KCNIP4: variants seen among roughly 807,000 people sequenced by gnomAD.
KCNIP4 encodes potassium voltage-gated channel interacting protein 4, also known as Kv channel-interacting protein 4.
In KCNIP4, 12 loss-of-function variants were observed where a neutral mutation model predicts 34.0. The observed-to-expected ratio is 0.35, with a 90% confidence interval of 0.23 to 0.57. The LOEUF is 0.57. Ranked by LOEUF, KCNIP4 falls within the 20% of genes least tolerant of loss-of-function variation. The pLI, the probability that KCNIP4 is intolerant of heterozygous loss-of-function variation, is 0.83. For synonymous variants in KCNIP4, 124 were observed against 102.2 expected, an observed-to-expected ratio of 1.21 and a Z score of -1.29; for missense variants, 238 against 311.7, an observed-to-expected ratio of 0.76 and a Z score of 1.78.
intron 1 of KCNIP4, among the ~76,000 whole-genome samples, chr4:21,414,064 T>TA (rs1231720925): frequency 6.6e-6 from 1 of 152,140 alleles, no homozygotes; most frequent in Admixed American, 6.6e-5. Context: ...ATCTTGGCCT[T>TA]ACATTCTAGC....
chr4:21,295,465 C>T (rs577295508), intron 1 of KCNIP4, among the ~76,000 whole-genome samples: 3 of 152,180 alleles, frequency 2.0e-5, no homozygotes, highest in Admixed American at 6.5e-5. Context: ...TATAATGGCC[C>T]TGTAGGATAT....
rs540628283 is a variant in KCNIP4 at position 21,409,692 on chromosome 4, A to T, written c.62-526983T>A. 5.3e-5 allele frequency among the ~76,000 whole-genome samples: 8 copies of T among 152,360 alleles called. No homozygotes were observed. In the South Asian group the frequency reaches 1.7e-3, roughly 32 times the overall value. On this transcript the variant is annotated intron_variant, in intron 1 of 8. Coordinates refer to ENST00000382152, the MANE Select transcript of KCNIP4 (RefSeq NM_025221.6). ...ATGTTTAATGAGTGCTTGCTATAAAATACATCGTTAGGAAAAAAGGGGTCG... is the reference window on the plus strand; with the variant it reads ...ATGTTTAATGAGTGCTTGCTATAAATTACATCGTTAGGAAAAAAGGGGTCG...
chr4:21,635,196 A>G (rs1035206342), intron 1 of KCNIP4, among the ~76,000 whole-genome samples: 1 of 152,190 alleles, frequency 6.6e-6, no homozygotes, highest in African/African-American at 2.4e-5. Context: ...AACTTACTCA[A>G]ATTACTGCAG....
chr4:21,936,983 T>C (rs2109014993), intron 1 of KCNIP4, among the ~76,000 whole-genome samples: 1 of 152,168 alleles, frequency 6.6e-6, no homozygotes, highest in South Asian at 2.1e-4. Flanking sequence ...CCTTATCCAG[T>C]TCATGACTTC....
intron 1 of KCNIP4, among the ~76,000 whole-genome samples, chr4:20,884,365 A>T (rs73242543): frequency 0.067 from 10,143 of 151,962 alleles, 355 homozygotes; most frequent in Middle Eastern, 0.085. Context: ...GGGTGACAAA[A>T]TGTTATAAAT....
At chr4:21,417,213 A>G (rs1725028899) in intron 1 of KCNIP4, among the ~76,000 whole-genome samples, 1 of 151,942 alleles carries the variant, frequency 6.6e-6, no homozygotes. Context: ...AAGGTCGTGC[A>G]GAGCACAAGA....
At chr4:21,652,103 T>C (rs2108972122) in intron 1 of KCNIP4, among the ~76,000 whole-genome samples, 1 of 152,288 alleles carries the variant, frequency 6.6e-6, no homozygotes, top group African/African-American at 2.4e-5. Flanking sequence ...TGCTCATCCA[T>C]CTAATCTTCT....
intron 1 of KCNIP4, among the ~76,000 whole-genome samples, chr4:21,104,111 G>T (rs1263114529): frequency 6.6e-6 from 1 of 152,000 alleles, no homozygotes; most frequent in African/African-American, 2.4e-5. Context: ...GTAATGGGAT[G>T]GCTGGGTCAA....
intron 1 of KCNIP4, among the ~76,000 whole-genome samples, chr4:21,240,156 T>C (rs926224312): frequency 9.5e-5 from 13 of 137,174 alleles, no homozygotes; most frequent in Admixed American, 9.4e-4. Flanking sequence ...TTCTCACTCA[T>C]AGGTGGGAAC....
At chr4:20,903,492 T>C (rs1727390611) in intron 1 of KCNIP4, among the ~76,000 whole-genome samples, 1 of 152,168 alleles carries the variant, frequency 6.6e-6, no homozygotes, top group Non-Finnish European at 1.5e-5. Context: ...CACAATCTTT[T>C]ATCTGAACCT....
chr4:21,420,523 A>G (rs1278538958), intron 1 of KCNIP4, among the ~76,000 whole-genome samples: 1 of 152,156 alleles, frequency 6.6e-6, no homozygotes, highest in African/African-American at 2.4e-5. Context: ...AAAACCCTCA[A>G]CATTGCATAG....
chr4:21,840,269 C>T (rs189877068), intron 1 of KCNIP4, among the ~76,000 whole-genome samples: 245 of 151,852 alleles, frequency 1.6e-3, no homozygotes, highest in Non-Finnish European at 2.8e-3. Context: ...GGTGATGGGT[C>T]TCCATAGAAC....
At chr4:20,819,542 A>G (rs1249546067) in intron 3 of KCNIP4, among the ~76,000 whole-genome samples, 1 of 152,214 alleles carries the variant, frequency 6.6e-6, no homozygotes, top group Non-Finnish European at 1.5e-5. Context: ...ATCAAATTAT[A>G]AAACTGGCAA....
At chr4:21,085,667 A>C (rs542194873) in intron 1 of KCNIP4, among the ~76,000 whole-genome samples, 1 of 152,314 alleles carries the variant, frequency 6.6e-6, no homozygotes, top group Admixed American at 6.5e-5. Context: ...TCCTGAGACA[A>C]GGAATTTCAT....
chr4:21,534,036 C>T (rs78731839), intron 1 of KCNIP4, among the ~76,000 whole-genome samples: 26,449 of 152,118 alleles, frequency 0.17, 2,691 homozygotes, highest in Middle Eastern at 0.26. Context: ...TGAATTACGG[C>T]TCTGTCACAC....
intron 1 of KCNIP4, among the ~76,000 whole-genome samples, chr4:21,383,462 T>G (rs1721714355): frequency 6.9e-6 from 1 of 144,424 alleles, no homozygotes; most frequent in Non-Finnish European, 1.5e-5. Context: ...TGGAGAAATG[T>G]ATCTCTATGT....
intron 1 of KCNIP4, among the ~76,000 whole-genome samples, chr4:21,936,248 C>A (rs953489119): frequency 3.9e-5 from 6 of 151,942 alleles, no homozygotes; most frequent in Non-Finnish European, 8.8e-5. Context: ...ATGGGGCGGT[C>A]CCCCCATACT....
chr4:21,623,820 G>A (rs1745142250), intron 1 of KCNIP4, among the ~76,000 whole-genome samples: 1 of 152,176 alleles, frequency 6.6e-6, no homozygotes, highest in African/African-American at 2.4e-5. Flanking sequence ...GGAAGCTACA[G>A]TTTTCAGACC....
chr4:21,885,353 A>C (rs1560787106), intron 1 of KCNIP4, among the ~76,000 whole-genome samples: 1 of 152,170 alleles, frequency 6.6e-6, no homozygotes, highest in Non-Finnish European at 1.5e-5. Context: ...AGTCTTATGA[A>C]AAATACAGAT....
Sources: gnomAD v4.1 joint callset for allele counts (sites outside exome capture counted in the v4.1 genomes callset) on GRCh38, gnomAD v4.1.1 for gene constraint, MANE v1.5 for transcripts, NCBI Gene and HGNC (gene_info 2026-07-23, HGNC 2026-07-21) for gene names.